The following ERC1 variants were observed in gnomAD, a reference collection of about 807,000 sequenced individuals.
ERC1 encodes the protein ELKS/RAB6-interacting/CAST family member 1.
Under a neutral mutation model 132.0 loss-of-function variants are expected in ERC1, and 56 were observed. That is an observed-to-expected ratio of 0.42 (90% CI 0.34 to 0.53). The LOEUF (loss-of-function observed/expected upper bound fraction) is 0.53, where lower values mean the gene tolerates loss of function less well. ERC1 is among the 20% of genes least tolerant of loss of function. The pLI, the probability that ERC1 is intolerant of heterozygous loss-of-function variation, is 0.03. For synonymous variants in ERC1, 478 were observed against 476.1 expected, an observed-to-expected ratio of 1.00 and a Z score of -0.05; for missense variants, 1,202 against 1,349.9, an observed-to-expected ratio of 0.89 and a Z score of 1.72.
At chr12:1,065,356 A>G (rs1325261841) in intron 2 of ERC1, among the ~76,000 whole-genome samples, 4 of 152,032 alleles carry the variant, frequency 2.6e-5, no homozygotes, top group African/African-American at 9.7e-5. Flanking sequence ...CGCTTGATGT[A>G]GTCTATTCTA....
intron 17 of ERC1, among the ~76,000 whole-genome samples, chr12:1,440,935 C>A (rs1225273617): frequency 1.6e-4 from 25 of 152,038 alleles, no homozygotes; most frequent in Admixed American, 1.6e-3. Flanking sequence ...CATGAGCCAC[C>A]ACACCTGACC....
Position 1,394,354 on chromosome 12 carries a change from T to C in ERC1, c.2926-13795T>C, listed in dbSNP as rs907428556. On this transcript the variant is annotated intron_variant, in intron 16 of 18. Transcript: ENST00000360905. ...GGCGGAGCTTGCAGTGAGCCGAGAT[T>C]GCGCCACTGCACTCTAGCCTGGGTG... Among the ~76,000 whole-genome samples, 10 of 152,086 alleles carry C rather than the reference T, an allele frequency of 6.6e-5. No homozygotes were observed. In the East Asian group the frequency reaches 9.6e-4, roughly 15 times the overall value.
At chr12:1,159,002 C>T (rs945003894) in intron 8 of ERC1, among the ~76,000 whole-genome samples, 3 of 152,116 alleles carry the variant, frequency 2.0e-5, no homozygotes, top group African/African-American at 4.8e-5. Context: ...CTTGATAGTA[C>T]TCCTTTTTAT....
intron 4 of ERC1, among the ~76,000 whole-genome samples, chr12:1,105,788 A>G (rs1945197656): frequency 6.6e-6 from 1 of 152,246 alleles, no homozygotes; most frequent in Admixed American, 6.5e-5. Context: ...TATTAATATA[A>G]TGACTACAAG....
Position 1,007,536 on chromosome 12 carries a change from C to G in ERC1, c.-157+16214C>G, listed in dbSNP as rs988395805. Among the ~76,000 whole-genome samples the G allele has an allele frequency of 4.5e-3, 275 of 61,240 alleles. 2 individuals are homozygous for G. Among genetic ancestry groups the G allele is most frequent in the Non-Finnish European group, 6.5e-3 (218 of 33,594 alleles). 40.2% of individuals were successfully genotyped at this position (61,240 alleles called of 152,430 possible). On this transcript the variant is annotated intron_variant, in intron 1 of 18. Coordinates refer to ENST00000360905, the MANE Select transcript of ERC1 (RefSeq NM_178040.4). Reference sequence around the variant, plus strand: ...GGTAATTCTCTCTCTCTCTCTCTCTCTCTCTGTGTGTGTGTGTGTGTGTGT... The same window carrying G: ...GGTAATTCTCTCTCTCTCTCTCTCTGTCTCTGTGTGTGTGTGTGTGTGTGT...
At chr12:1,006,141 G>C (rs1347151905) in intron 1 of ERC1, among the ~76,000 whole-genome samples, 3 of 151,206 alleles carry the variant, frequency 2.0e-5, no homozygotes, top group Non-Finnish European at 4.4e-5. Context: ...ATTTTTAGTA[G>C]AGACGGGGTT....
intron 6 of ERC1, among the ~76,000 whole-genome samples, chr12:1,114,273 G>A (rs943012195): frequency 5.3e-5 from 8 of 151,966 alleles, no homozygotes; most frequent in Non-Finnish European, 1.0e-4. Context: ...CACCCGCCTC[G>A]GCCTTCCAAA....
intron 15 of ERC1, among the ~76,000 whole-genome samples, chr12:1,368,020 A>G (rs2086832801): frequency 6.6e-6 from 1 of 150,566 alleles, no homozygotes; most frequent in Non-Finnish European, 1.5e-5. Flanking sequence ...ATTTGACAGG[A>G]AAAGCATTGC....
chr12:1,302,906 T>C (rs764480774), intron 15 of ERC1, among the ~76,000 whole-genome samples: 8 of 152,140 alleles, frequency 5.3e-5, no homozygotes, highest in Non-Finnish European at 7.4e-5. Context: ...AAGGCTGCAG[T>C]GAGCTGTAAT....
chr12:1,196,974 A>ATTTTTTTTTTT, intron 12 of ERC1, among the ~76,000 whole-genome samples: 1 of 52,134 alleles, frequency 1.9e-5, no homozygotes. Flanking sequence ...ATATATATAT[A>ATTTTTTTTTTT]TATTTTTTTT....
intron 16 of ERC1, among the ~76,000 whole-genome samples, chr12:1,388,335 G>C (rs1459350793): frequency 8.4e-6 from 1 of 119,050 alleles, no homozygotes; most frequent in Admixed American, 9.7e-5. Context: ...GGGTGACAGA[G>C]ACTCTGTCTC....
rs544883335 is a variant in ERC1 at position 1,485,496 on chromosome 12, T to C, written c.3214-4597T>C. Among the ~76,000 whole-genome samples, 37 of 152,174 alleles carry C rather than the reference T, an allele frequency of 2.4e-4. No homozygotes were observed. In the South Asian group the frequency reaches 3.5e-3, roughly 14 times the overall value. On this transcript the variant is annotated intron_variant, in intron 18 of 18. Coordinates refer to ENST00000360905, the MANE Select transcript of ERC1 (RefSeq NM_178040.4). ...GGGATTACAGGCGTGAGCCACTGCA[T>C]CTGGCCATATTTAATTATTAATGAA... is the stretch of plus-strand genomic sequence containing the variant.
chr12:996,565 C>T (rs969811700), intron 1 of ERC1, among the ~76,000 whole-genome samples: 1 of 152,146 alleles, frequency 6.6e-6, no homozygotes, highest in African/African-American at 2.4e-5. Flanking sequence ...TGCACTCCAG[C>T]CTGGGCTACA....
chr12:1,123,249 A>G (rs1032164162), intron 7 of ERC1, among the ~76,000 whole-genome samples: 10 of 152,228 alleles, frequency 6.6e-5, no homozygotes, highest in Non-Finnish European at 1.0e-4. Context: ...AATGGAATGT[A>G]TAAGTTTCAA....
chr12:1,206,064 T>G (rs1171797275), intron 12 of ERC1, among the ~76,000 whole-genome samples: 2 of 152,180 alleles, frequency 1.3e-5, no homozygotes, highest in Non-Finnish European at 2.9e-5. Context: ...TAAATCATAC[T>G]TATTTCTAAA....
chr12:995,837 A>G (rs151194362), intron 1 of ERC1, among the ~76,000 whole-genome samples: 10 of 152,278 alleles, frequency 6.6e-5, no homozygotes, highest in Non-Finnish European at 1.3e-4. Context: ...GAACCAGTAA[A>G]GGAGAGTGAT....
chr12:1,377,611 A>G (rs1433261098), intron 16 of ERC1, among the ~76,000 whole-genome samples: 1 of 152,194 alleles, frequency 6.6e-6, no homozygotes, highest in African/African-American at 2.4e-5. Context: ...ATATAGGTTA[A>G]TGCCTTTCTT....
At chr12:1,017,050 G>A (rs1271176838) in intron 1 of ERC1, among the ~76,000 whole-genome samples, 2 of 152,134 alleles carry the variant, frequency 1.3e-5, no homozygotes, top group East Asian at 1.9e-4. Flanking sequence ...AGGCTGGAGT[G>A]CAGTGGCATG....
chr12:1,073,581 G>A (rs901824985), intron 2 of ERC1, among the ~76,000 whole-genome samples: 2 of 151,512 alleles, frequency 1.3e-5, no homozygotes, highest in Non-Finnish European at 2.9e-5. Context: ...CTCTGAAGGC[G>A]GAGGTTGCAG....
Sources: gnomAD v4.1 joint callset for allele counts (sites outside exome capture counted in the v4.1 genomes callset) on GRCh38, gnomAD v4.1.1 for gene constraint, MANE v1.5 for transcripts, NCBI Gene and HGNC (gene_info 2026-07-23, HGNC 2026-07-21) for gene names.